Variants in KLHL2 observed in about 807,000 individuals in gnomAD.
The protein encoded by KLHL2 is kelch like family member 2.
In KLHL2, 15 loss-of-function variants were observed where a neutral mutation model predicts 75.8. The observed-to-expected ratio is 0.20, with a 90% CI of 0.13 to 0.30. The LOEUF (loss-of-function observed/expected upper bound fraction) is 0.30. KLHL2 is among the 10% of genes least tolerant of loss of function. KLHL2 has a pLI of 1.00. For synonymous variants in KLHL2, 214 were observed against 251.9 expected (o/e 0.85, Z 1.42); for missense variants, 381 against 741.0 (o/e 0.51, Z 5.64).
chr4:165,313,099 A>G, intron 11 of KLHL2, 139 bp from the exon 12 acceptor site: 1 of 754,552 alleles, frequency 1.3e-6, no homozygotes, highest in Non-Finnish European at 2.1e-6. Context: ...AATATATTTC[A>G]TAAAAATCAG....
intron 4 of KLHL2, 101 bp downstream of exon 4, chr4:165,239,000 G>A (rs1308451005): frequency 7.5e-6 from 11 of 1,469,814 alleles, no homozygotes; most frequent in Non-Finnish European, 9.9e-6. Flanking sequence ...AAAATAATAG[G>A]ATTCATTGTG....
chr4:165,222,530 G>A (rs1190199278), intron 2 of KLHL2, among the ~76,000 whole-genome samples: 11 of 152,170 alleles, frequency 7.2e-5, no homozygotes, highest in Non-Finnish European at 1.3e-4. Context: ...AATAGCCAGA[G>A]TGTTGGCTGC....
intron 1 of KLHL2, chr4:165,209,267 CG>C (rs1737044382): frequency 6.6e-6 from 1 of 152,194 alleles, no homozygotes; most frequent in African/African-American, 2.4e-5. Context: ...CATGAGCACA[CG>C]GGGGTCTGCC....
At chr4:165,237,702 A>T (rs1022427640) in intron 3 of KLHL2, among the ~76,000 whole-genome samples, 3 of 152,212 alleles carry the variant, frequency 2.0e-5, no homozygotes, top group African/African-American at 7.2e-5. Flanking sequence ...TTAATAAGAG[A>T]TGCTGGGTTA....
intron 5 of KLHL2, among the ~76,000 whole-genome samples, chr4:165,270,641 C>T (rs150458945): frequency 0.072 from 10,942 of 152,194 alleles, 460 homozygotes; most frequent in Middle Eastern, 0.13. Flanking sequence ...CTGGGTATCA[C>T]CAGCAGAGGC....
intron 7 of KLHL2, 80 bp from the exon 8 acceptor site, chr4:165,299,427 C>T: frequency 1.5e-6 from 2 of 1,312,188 alleles, no homozygotes; most frequent in African/African-American, 1.5e-5. Flanking sequence ...CTTTTTTCCT[C>T]TCCTTTACTT....
intron 11 of KLHL2, among the ~76,000 whole-genome samples, chr4:165,311,823 G>GTGTGTC (rs1746218635): frequency 6.6e-6 from 1 of 151,262 alleles, no homozygotes; most frequent in Non-Finnish European, 1.5e-5. Flanking sequence ...GTGTGTGTGT[G>GTGTGTC]TGTGTGTGTG....
chr4:165,279,126 G>C (rs1262335878), intron 5 of KLHL2: 1 of 1,601,536 alleles, frequency 6.2e-7, no homozygotes, highest in Admixed American at 1.7e-5. Flanking sequence ...GTCCCAAAAA[G>C]AGCTCGTTTT....
At chr4:165,315,656 C>T (rs953896890) in intron 13 of KLHL2, among the ~76,000 whole-genome samples, 4 of 152,112 alleles carry the variant, frequency 2.6e-5, no homozygotes, top group African/African-American at 9.7e-5. Flanking sequence ...TTTAAAATCT[C>T]ACCCTCATTC....
chr4:165,235,690 C>T, intron 3 of KLHL2, among the ~76,000 whole-genome samples: 1 of 151,968 alleles, frequency 6.6e-6, no homozygotes, highest in Non-Finnish European at 1.5e-5. Flanking sequence ...TTGATTATGA[C>T]AGAGTGGATT....
chr4:165,293,323 G>T (rs1217497865), intron 5 of KLHL2, among the ~76,000 whole-genome samples: 1 of 152,024 alleles, frequency 6.6e-6, no homozygotes, highest in Non-Finnish European at 1.5e-5. Flanking sequence ...TTTTCCCCTT[G>T]GGAAGAGTGG....
chr4:165,321,629 G>A lies in KLHL2; in HGVS notation c.1754-403G>A, dbSNP rs572503375. Among the ~76,000 whole-genome samples, 35 of 152,294 alleles carry A rather than the reference G, an allele frequency of 2.3e-4. 1 individual carries two copies. The South Asian group carries it at 6.8e-3, about 30-fold the overall frequency. ...GAGGGTCAGCACCCCTGACCCCCAT[G>A]TCGGTTCAAGGGTCAACTGTATATT... On this transcript the variant is annotated intron_variant, in intron 14 of 14. Transcript: ENST00000226725.
chr4:165,265,220 A>G (rs1421610329), intron 5 of KLHL2, among the ~76,000 whole-genome samples: 2 of 151,482 alleles, frequency 1.3e-5, no homozygotes, highest in African/African-American at 4.9e-5. Flanking sequence ...GTTTAATGGG[A>G]TTATTTGATT....
intron 4 of KLHL2, among the ~76,000 whole-genome samples, chr4:165,249,847 G>A (rs1341327533): frequency 3.9e-5 from 6 of 152,270 alleles, no homozygotes; most frequent in East Asian, 1.9e-4. Flanking sequence ...TCTTTTGGCC[G>A]GGTACGGTGG....
chr4:165,280,559 A>T (rs1743586166), intron 5 of KLHL2, among the ~76,000 whole-genome samples: 1 of 152,246 alleles, frequency 6.6e-6, no homozygotes, highest in Non-Finnish European at 1.5e-5. Flanking sequence ...ATAGATGCTG[A>T]TTATTCAAGG....
At chr4:165,284,272 A>G (rs1743916322) in intron 5 of KLHL2, among the ~76,000 whole-genome samples, 1 of 152,120 alleles carries the variant, frequency 6.6e-6, no homozygotes, top group South Asian at 2.1e-4. Flanking sequence ...TCAGGCTGCA[A>G]ATTTTCCAAA....
rs756591051 is a variant in KLHL2, at chr4:165,278,188, C to T, written c.544+14829C>T. On this transcript the variant is annotated intron_variant, in intron 5 of 14. Coordinates refer to ENST00000226725, the MANE Select transcript of KLHL2 (RefSeq NM_007246.4). ...CCTCAGCATTAATCTGAGGTTCAAA[C>T]CGCTCCATCGTGACGGCGGACAAAT... 5 of 1,304,664 alleles carry T rather than the reference C, an allele frequency of 3.8e-6. No individual in the cohort carries two copies. The Admixed American group carries it at 8.4e-5, about 22-fold the overall frequency. The allele number at this position is 1,304,664 out of a possible 1,614,324, so 80.8% of individuals were successfully genotyped here.
intron 1 of KLHL2, among the ~76,000 whole-genome samples, chr4:165,219,125 A>G (rs921032361): frequency 1.2e-4 from 18 of 152,182 alleles, no homozygotes; most frequent in Admixed American, 2.0e-4. Context: ...TTGAAAGAAT[A>G]ATTCATGTAG....
chr4:165,223,896 G>A (rs968634344), intron 2 of KLHL2: 3 of 441,978 alleles, frequency 6.8e-6, no homozygotes, highest in African/African-American at 4.1e-5. Flanking sequence ...CAGAGAAGCA[G>A]ACTGTACCCC....
Sources: gnomAD v4.1 joint callset for allele counts (sites outside exome capture counted in the v4.1 genomes callset) on GRCh38, gnomAD v4.1.1 for gene constraint, MANE v1.5 for transcripts, NCBI Gene and HGNC (gene_info 2026-07-23, HGNC 2026-07-21) for gene names.